Variants in PUM1 observed in about 807,000 individuals in gnomAD.
PUM1 encodes the protein pumilio RNA binding family member 1.
In PUM1, 13 loss-of-function variants were observed where a neutral mutation model predicts 131.8. The observed-to-expected ratio is 0.10, with a 90% confidence interval of 0.06 to 0.16. PUM1 has a LOEUF of 0.16. Among genes scored for constraint, PUM1 ranks in the 10% least tolerant of loss-of-function variants. The pLI, the probability that PUM1 is intolerant of heterozygous loss-of-function variation, is 1.00. For missense variants in PUM1, 961 were observed against 1,512.4 expected, an observed-to-expected ratio of 0.64 and a Z score of 6.05; for synonymous variants, 509 against 556.5, an observed-to-expected ratio of 0.91 and a Z score of 1.20.
intron 3 of PUM1, among the ~76,000 whole-genome samples, chr1:31,012,552 T>TAA (rs10666570): frequency 0.026 from 3,150 of 119,108 alleles, 63 homozygotes; most frequent in Non-Finnish European, 0.037. Context: ...TTATGAAAAG[T>TAA]AAAAAAAAAA....
chr1:31,019,835 A>G (rs1642956110), intron 3 of PUM1, among the ~76,000 whole-genome samples: 1 of 152,188 alleles, frequency 6.6e-6, no homozygotes, highest in Non-Finnish European at 1.5e-5. Context: ...AACAGCATAT[A>G]AGGGATGTTA....
intron 2 of PUM1, among the ~76,000 whole-genome samples, chr1:31,053,803 T>C (rs576105570): frequency 1.3e-5 from 2 of 151,260 alleles, no homozygotes; most frequent in Non-Finnish European, 2.9e-5. Context: ...TTAATGTAAG[T>C]ATACAAGTGG....
intron 2 of PUM1, among the ~76,000 whole-genome samples, chr1:31,034,419 C>T (rs1272069097): frequency 6.6e-6 from 1 of 152,198 alleles, no homozygotes; most frequent in African/African-American, 2.4e-5. Context: ...TGGACAGTTT[C>T]ACTCGAGGTC....
At chr1:30,973,959 G>A (rs1381382040) in intron 10 of PUM1, among the ~76,000 whole-genome samples, 3 of 151,906 alleles carry the variant, frequency 2.0e-5, no homozygotes, top group Non-Finnish European at 2.9e-5. Flanking sequence ...ATGGTGTAGC[G>A]TGCCTGTAAT....
intron 20 of PUM1, among the ~76,000 whole-genome samples, chr1:30,939,172 A>G (rs980020076): frequency 6.6e-6 from 1 of 152,148 alleles, no homozygotes; most frequent in Non-Finnish European, 1.5e-5. Flanking sequence ...CCAGATAGAC[A>G]CTGCGAATAA....
At chr1:31,032,492 T>C (rs866631381) in intron 2 of PUM1, among the ~76,000 whole-genome samples, 4 of 152,040 alleles carry the variant, frequency 2.6e-5, no homozygotes, top group Admixed American at 6.6e-5. Context: ...TATTTGAGTC[T>C]CAGGTTAATG....
At chr1:31,032,670 T>C (rs898080115) in intron 2 of PUM1, among the ~76,000 whole-genome samples, 2 of 152,160 alleles carry the variant, frequency 1.3e-5, no homozygotes, top group Non-Finnish European at 2.9e-5. Flanking sequence ...TTACAAATCT[T>C]TTGGCATGTG....
intron 5 of PUM1, among the ~76,000 whole-genome samples, chr1:31,003,523 G>A: frequency 6.6e-6 from 1 of 152,144 alleles, no homozygotes; most frequent in East Asian, 1.9e-4. Context: ...TTGGGAGGCT[G>A]AGGTGGGAAG....
intron 14 of PUM1, among the ~76,000 whole-genome samples, chr1:30,956,349 C>T (rs1394166823): frequency 1.3e-5 from 2 of 152,002 alleles, no homozygotes; most frequent in Non-Finnish European, 2.9e-5. Flanking sequence ...CTGCAATCTC[C>T]GCCTCCCAGG....
chr1:30,952,900 C>T (rs1232935213), intron 15 of PUM1, among the ~76,000 whole-genome samples: 4 of 151,900 alleles, frequency 2.6e-5, no homozygotes, highest in Non-Finnish European at 5.9e-5. Flanking sequence ...GGCGTGAACC[C>T]GGGAGGCAGA....
intron 10 of PUM1, among the ~76,000 whole-genome samples, chr1:30,971,882 T>C (rs961543550): frequency 1.3e-5 from 2 of 152,162 alleles, no homozygotes; most frequent in African/African-American, 4.8e-5. Context: ...GTCTTCCAAA[T>C]GCATAATAAT....
chr1:31,052,661 C>T (rs1179713958), intron 2 of PUM1, among the ~76,000 whole-genome samples: 7 of 151,670 alleles, frequency 4.6e-5, no homozygotes, highest in African/African-American at 1.7e-4. Flanking sequence ...GCCAATGTAC[C>T]CAGCTTTATT....
rs1640666219 is a variant in PUM1, at chr1:30,967,404, TG to T, written c.1646-95del. On this transcript the variant is annotated intron_variant, in intron 11 of 21. Coordinates refer to ENST00000426105, the MANE Select transcript of PUM1 (RefSeq NM_001020658.2). ...TTGTCAATAATCACAAACTCAGCTT[TG>T]AGGTTGAATTGGCCAGATTTATATA... 19 of 1,336,484 alleles carry T rather than the reference TG, an allele frequency of 1.4e-5. No homozygotes were observed. The Admixed American group carries it at 3.4e-4, about 24-fold the overall frequency. 82.8% of individuals were successfully genotyped at this position (1,336,484 alleles called of 1,614,324 possible). A position where few individuals can be genotyped will look rare whatever the true frequency, so the allele number is the denominator to read the frequency against.
intron 3 of PUM1, 57 bp from the exon 4 acceptor site, chr1:31,007,159 C>T: frequency 7.7e-7 from 1 of 1,298,822 alleles, no homozygotes; most frequent in Non-Finnish European, 1.1e-6. Context: ...GAAAGTACAG[C>T]AGTCAACACT....
chr1:30,951,839 A>G lies in PUM1; in HGVS notation c.2721+395T>C, dbSNP rs1450258213. 2.0e-5 allele frequency among the ~76,000 whole-genome samples: 3 copies of G among 152,214 alleles called. No homozygotes were observed. The East Asian group carries it at 5.8e-4, about 29-fold the overall frequency. On this transcript the variant is annotated intron_variant, in intron 16 of 21. Transcript: ENST00000426105. ...AACATACTGGAGTCGGTGTCCAAAG[A>G]CAATTCTCTAAGAACCTTAGAAAAA...
chr1:31,041,537 G>A (rs1467713755), intron 2 of PUM1, among the ~76,000 whole-genome samples: 1 of 151,966 alleles, frequency 6.6e-6, no homozygotes, highest in East Asian at 2.0e-4. Flanking sequence ...GTAGTGTCTG[G>A]GTCATGGGGG....
At chr1:31,061,366 C>T (rs1000412891) in intron 1 of PUM1, among the ~76,000 whole-genome samples, 11 of 152,090 alleles carry the variant, frequency 7.2e-5, no homozygotes, top group Admixed American at 2.6e-4. Context: ...GCCTGTAATC[C>T]CAGCACTTTG....
At chr1:30,979,227 G>A (rs1223472383) in intron 9 of PUM1, among the ~76,000 whole-genome samples, 1 of 152,082 alleles carries the variant, frequency 6.6e-6, no homozygotes, top group Admixed American at 6.5e-5. Context: ...CACTTCACAG[G>A]CAAAGAATGG....
chr1:30,934,343 C>T (rs1214993543), intron 21 of PUM1, among the ~76,000 whole-genome samples: 2 of 152,200 alleles, frequency 1.3e-5, no homozygotes, highest in Non-Finnish European at 2.9e-5. Context: ...AAACCTGCAC[C>T]TGCATACATA....
Sources: gnomAD v4.1 joint callset for allele counts (sites outside exome capture counted in the v4.1 genomes callset) on GRCh38, gnomAD v4.1.1 for gene constraint, MANE v1.5 for transcripts, NCBI Gene and HGNC (gene_info 2026-07-23, HGNC 2026-07-21) for gene names.